FBXW9: variants seen among roughly 807,000 people sequenced by gnomAD.
FBXW9 encodes F-box and WD repeat domain containing 9, also known as F-box/WD repeat-containing protein 9.
In FBXW9, 38 loss-of-function variants were observed where a neutral mutation model predicts 55.8. The ratio of observed to expected loss-of-function variants is 0.68; its 90% CI spans 0.53 to 0.89. FBXW9 has a LOEUF of 0.89. Ranked by LOEUF, FBXW9 falls within the 40% of genes least tolerant of loss-of-function variation. The pLI, the probability that FBXW9 is intolerant of heterozygous loss-of-function variation, is 0.00. For missense variants in FBXW9, 590 were observed against 619.4 expected, an observed-to-expected ratio of 0.95 and a Z score of 0.50; for synonymous variants, 289 against 278.2, an observed-to-expected ratio of 1.04 and a Z score of -0.38.
chr19:12,690,238 C>T (rs1382045612), intron 5 of FBXW9, 128 bp from the exon 6 acceptor site: 8 of 1,471,388 alleles, frequency 5.4e-6, no homozygotes, highest in Non-Finnish European at 7.4e-6. Flanking sequence ...CCCCACCCCA[C>T]AGAGTGACCC....
At chr19:12,690,670 G>A (rs1224874099) in intron 5 of FBXW9, among the ~76,000 whole-genome samples, 1 of 152,062 alleles carries the variant, frequency 6.6e-6, no homozygotes, top group East Asian at 1.9e-4. Context: ...TGTAATCCCT[G>A]CACTTTGGGA....
At position 12,689,160 on chromosome 19, in the gene FBXW9, A is replaced by T; in HGVS notation, c.*56T>A. 2 of 1,342,362 alleles carry T rather than the reference A, an allele frequency of 1.5e-6. No individual in the cohort carries two copies. Among genetic ancestry groups the T allele is most frequent in the Non-Finnish European group, 1.1e-6 (1 of 932,714 alleles). The allele number at this position is 1,342,362 out of a possible 1,614,324, so 83.2% of individuals were successfully genotyped here. On this transcript the variant is annotated 3_prime_UTR_variant, in exon 10 of 10. Coordinates refer to ENST00000393261, the MANE Select transcript of FBXW9 (RefSeq NM_032301.3). This position sits in a 1 kb window ranked among gnomAD's most constrained non-coding sequence, Gnocchi z 5.9. ...CCAACATTGGGGATGGTCCCCCAAG[A>T]ACAGAGGAGGAAGCCCAGCCTCCGG...
rs1008610731 is a variant in FBXW9 at position 12,691,231 on chromosome 19, G to T, written c.818C>A (p.Ser273Tyr). 13 of 1,614,204 alleles carry T rather than the reference G, an allele frequency of 8.1e-6. No individual in the cohort carries two copies. In the African/African-American group the frequency reaches 1.6e-4, roughly 20 times the overall value. Reference protein sequence around the residue: ...IKASSAVLCLSYLPDILVTGT... With the variant: ...IKASSAVLCLYYLPDILVTGT... ...AGTCACCAGGATGTCAGGCAGGTAG[G>T]AGAGGCACAGCACGGCTGAGCTGGC... Residue 273 changes from serine to tyrosine, a missense_variant, in exon 5 of 10, where the codon TCC (serine) becomes TAC (tyrosine). By Grantham distance (144) the Ser-to-Tyr change is moderately radical. Transcript: ENST00000393261.
chr19:12,694,490 GAA>G, intron 3 of FBXW9, 102 bp downstream of exon 3: 1 of 1,297,914 alleles, frequency 7.7e-7, no homozygotes, highest in Non-Finnish European at 1.0e-6. Context: ...ACCAAGGTTA[GAA>G]AAGTCAGATT....
Position 12,689,722 on chromosome 19 carries a change from C to T in FBXW9, c.1146+39G>A, listed in dbSNP as rs371259384. On this transcript the variant is annotated intron_variant, in intron 7 of 9. Transcript: ENST00000393261. This position sits in a 1 kb window ranked among gnomAD's most constrained non-coding sequence, Gnocchi z 5.9. ...CAGGGGCTCGGGTAGGAAGGAAGCC[C>T]GGGGGGAGGGACAGTCAGGGGCAGG... 620 of 1,609,366 alleles carry T rather than the reference C, an allele frequency of 3.9e-4. 1 individual carries two copies. The highest frequency in any genetic ancestry group is 4.9e-4 in the Middle Eastern group (3 of 6,074).
In FBXW9 at chr19:12,696,547, C is replaced by T. The variant is rs747890380; in HGVS notation, c.35G>A (p.Arg12His). ...ELPLGRCDDS[R>H]TWDDDSDPES... ...TGGGTCCGAGTCATCGTCCCAGGTGCGGGAATCATCGCACCGCCCTAGGGG... is the reference window on the plus strand; with the variant it reads ...TGGGTCCGAGTCATCGTCCCAGGTGTGGGAATCATCGCACCGCCCTAGGGG... Residue 12 changes from arginine to histidine, a missense_variant, in exon 1 of 10, where the codon CGC (arginine) becomes CAC (histidine). Transcript: ENST00000393261. 4 of 1,611,834 alleles carry T rather than the reference C, an allele frequency of 2.5e-6. No individual in the cohort carries two copies. In the African/African-American group the frequency reaches 4.0e-5, roughly 16 times the overall value.
At chr19:12,692,491 G>A (rs2025021556) in intron 3 of FBXW9, among the ~76,000 whole-genome samples, 1 of 150,592 alleles carries the variant, frequency 6.6e-6, no homozygotes, top group Non-Finnish European at 1.5e-5. Context: ...CTCCCAAAGT[G>A]CTGGGATTAC....
chr19:12,694,623 A>C lies in FBXW9; in HGVS notation c.649T>G (p.Leu217Val). Residue 217 changes from leucine (L) to valine (V), a missense_variant, in exon 3 of 10, where the codon TTA (leucine) becomes GTA (valine). Leu to Val is a conservative substitution (Grantham distance 32). Transcript: ENST00000393261. ...TGGGTACTATTTCGCTTAGTGCCTAAGGTCTTGATCAGAACCTGGTTGGAC... is the reference window on the plus strand; with the variant it reads ...TGGGTACTATTTCGCTTAGTGCCTACGGTCTTGATCAGAACCTGGTTGGAC... ...TESNQVLIKTLGTKRNSTHEG... is the reference protein window; with the variant it reads ...TESNQVLIKTVGTKRNSTHEG... 1 of 1,614,198 alleles carries C rather than the reference A, an allele frequency of 6.2e-7. No individual in the cohort carries two copies. Among genetic ancestry groups the C allele is most frequent in the Non-Finnish European group, 8.5e-7 (1 of 1,180,032 alleles).
rs2024972111 is a variant in FBXW9, at chr19:12,689,473, C to T, written c.1237-36G>A. 1 of 1,613,934 alleles carries T rather than the reference C, an allele frequency of 6.2e-7. No homozygotes were observed. Among genetic ancestry groups the T allele is most frequent in the Non-Finnish European group, 8.5e-7 (1 of 1,179,958 alleles). ...GCAATGGGCGAGGTCAAGAGGTGTG[C>T]CCCTGGCTGATGGAGGTAGGGGAGA... On this transcript the variant is annotated intron_variant, in intron 8 of 9. Transcript: ENST00000393261. The surrounding 1 kb of genome is among the most constrained non-coding windows in gnomAD (Gnocchi z 5.9).
intron 5 of FBXW9, 127 bp downstream of exon 5, chr19:12,691,039 C>G (rs908306382): frequency 8.0e-6 from 7 of 869,756 alleles, no homozygotes; most frequent in African/African-American, 3.3e-5. Context: ...TGTACCAGCA[C>G]AGCATGGCCA....
At chr19:12,696,050 G>C in intron 1 of FBXW9, 123 bp downstream of exon 1, 1 of 1,037,842 alleles carries the variant, frequency 9.6e-7, no homozygotes, top group South Asian at 1.7e-5. Flanking sequence ...GCCTGAGCCA[G>C]GACAGCCACG....
rs747754443 is a variant in FBXW9 at position 12,690,005 on chromosome 19, A to G, written c.989T>C (p.Val330Ala). 3.7e-6 allele frequency: 6 copies of G among 1,613,900 alleles called. No homozygotes were observed. The highest frequency in any genetic ancestry group is 5.1e-6 in the Non-Finnish European group (6 of 1,179,998). The stretch of plus-strand genomic sequence containing the variant: ...GCTGTTGGCTCGGCGGTCCACCACC[A>G]CCAGGGTGTGGTCCTCGCTGCCTGA... ...IISGSEDHTL[V>A]VVDRRANSVL... Residue 330 changes from valine to alanine, a missense_variant, in exon 6 of 10, where the codon GTG becomes GCG. Transcript: ENST00000393261.
At chr19:12,690,203 GGCA>G in intron 5 of FBXW9, 93 bp from the exon 6 acceptor site, 9 of 1,586,040 alleles carry the variant, frequency 5.7e-6, no homozygotes, top group Non-Finnish European at 6.8e-6. Context: ...CATCCTGTCT[GGCA>G]AAACCCTCGA....
At chr19:12,690,732 A>C (rs572810804) in intron 5 of FBXW9, among the ~76,000 whole-genome samples, 55 of 152,258 alleles carry the variant, frequency 3.6e-4, no homozygotes, top group Non-Finnish European at 5.9e-4. Context: ...CAGCCTGGCC[A>C]ACATGGTGAA....
Position 12,691,550 on chromosome 19 carries a change from A to G in FBXW9, c.679-96T>C, listed in dbSNP as rs532567233. ...TTTGCAGGTAAGGCTCAGAGAGGTC[A>G]AGAGACTCACCCAAAGCCACATAGC... On this transcript the variant is annotated intron_variant, in intron 3 of 9. Coordinates refer to ENST00000393261, the MANE Select transcript of FBXW9 (RefSeq NM_032301.3). 8 of 1,030,652 alleles carry G rather than the reference A, an allele frequency of 7.8e-6. No individual in the cohort carries two copies. The South Asian group carries it at 1.1e-4, about 15-fold the overall frequency. The allele number at this position is 1,030,652 out of a possible 1,614,324, so 63.8% of individuals were successfully genotyped here.
At chr19:12,694,387 C>T (rs2025048766) in intron 3 of FBXW9, among the ~76,000 whole-genome samples, 1 of 150,612 alleles carries the variant, frequency 6.6e-6, no homozygotes, top group African/African-American at 2.4e-5. Flanking sequence ...CACATTAATG[C>T]ATAATGCATC....
chr19:12,691,490 A>G (rs1222358336), intron 3 of FBXW9, 36 bp from the exon 4 acceptor site: 1 of 1,498,826 alleles, frequency 6.7e-7, no homozygotes, highest in Non-Finnish European at 9.0e-7. Flanking sequence ...CACCTGCCAC[A>G]GCCCATGGGG....
chr19:12,691,036 G>T (rs2145402367), intron 5 of FBXW9, 130 bp downstream of exon 5: 2 of 853,210 alleles, frequency 2.3e-6, no homozygotes, highest in Non-Finnish European at 2.0e-6. Flanking sequence ...TATTGTACCA[G>T]CACAGCATGG....
chr19:12,689,490 T>C lies in FBXW9; in HGVS notation c.1236+51A>G. 2 of 1,611,858 alleles carry C rather than the reference T, an allele frequency of 1.2e-6. No individual in the cohort carries two copies. The highest frequency in any genetic ancestry group is 1.7e-6 in the Non-Finnish European group (2 of 1,178,594). ...GAGGTGTGCCCCTGGCTGATGGAGG[T>C]AGGGGAGAGGCAGGGACTGTCCTGG... On this transcript the variant is annotated intron_variant, in intron 8 of 9. Coordinates refer to ENST00000393261, the MANE Select transcript of FBXW9 (RefSeq NM_032301.3). This position sits in a 1 kb window ranked among gnomAD's most constrained non-coding sequence, Gnocchi z 5.9.
Sources: allele counts gnomAD v4.1 joint callset (sites outside exome capture counted in the v4.1 genomes callset), GRCh38; gene constraint gnomAD v4.1.1; non-coding constraint Gnocchi (gnomAD v3.1); transcripts MANE v1.5; gene names NCBI Gene and HGNC (gene_info 2026-07-23, HGNC 2026-07-21).